MTA3: variants seen among roughly 807,000 people sequenced by gnomAD.
MTA3 encodes the protein metastasis associated 1 family member 3.
MTA3 carries 34 observed loss-of-function variants against 83.5 expected under a neutral mutation model. That is an observed-to-expected ratio of 0.41 (90% CI 0.31 to 0.54). The LOEUF (loss-of-function observed/expected upper bound fraction) is 0.54, where lower values mean the gene tolerates loss of function less well. Among genes scored for constraint, MTA3 ranks in the 20% least tolerant of loss-of-function variants. The pLI is 0.33. For missense variants in MTA3, 761 were observed against 726.4 expected (o/e 1.05, Z -0.55); for synonymous variants, 303 against 252.7 (o/e 1.20, Z -1.89).
At chr2:42,649,447 C>T (rs1296962886) in intron 6 of MTA3, among the ~76,000 whole-genome samples, 9 of 151,574 alleles carry the variant, frequency 5.9e-5, no homozygotes, top group Admixed American at 5.3e-4. Context: ...CAGTCACACT[C>T]TTTGAGTGTT....
intron 2 of MTA3, among the ~76,000 whole-genome samples, chr2:42,526,885 C>T (rs1675731735): frequency 6.6e-6 from 1 of 151,816 alleles, no homozygotes; most frequent in Admixed American, 6.6e-5. Flanking sequence ...GAAACCCCGT[C>T]TCTACTAAAA....
chr2:42,604,786 T>C (rs1215888667), intron 3 of MTA3, among the ~76,000 whole-genome samples: 5 of 148,492 alleles, frequency 3.4e-5, no homozygotes, highest in Non-Finnish European at 7.4e-5. Context: ...GTGATGACTC[T>C]TAACGAGCAT....
chr2:42,565,066 G>A (rs570601203), upstream of MTA3, among the ~76,000 whole-genome samples: 98 of 151,366 alleles, frequency 6.5e-4, no homozygotes, highest in African/African-American at 2.2e-3. Context: ...GTGAGCCACC[G>A]CGCTCAGCCA....
chr2:42,611,571 G>A (rs752157392), intron 4 of MTA3, among the ~76,000 whole-genome samples: 2 of 152,062 alleles, frequency 1.3e-5, no homozygotes, highest in Non-Finnish European at 2.9e-5. Flanking sequence ...TGCAGTCTTT[G>A]GGAGGCCTAG....
At chr2:42,586,513 C>CAA (rs1553350267) in intron 3 of MTA3, among the ~76,000 whole-genome samples, 1 of 131,670 alleles carries the variant, frequency 7.6e-6, no homozygotes, top group African/African-American at 2.8e-5. Flanking sequence ...CACACACACA[C>CAA]AAACACACAA....
At chr2:42,511,344 T>G (rs1347466386) in intron 2 of MTA3, among the ~76,000 whole-genome samples, 1 of 151,248 alleles carries the variant, frequency 6.6e-6, no homozygotes, top group Admixed American at 6.6e-5. Flanking sequence ...TCTCATTACC[T>G]TTCTACGTCA....
chr2:42,672,341 A>AT (rs1348448031), intron 8 of MTA3, among the ~76,000 whole-genome samples: 1 of 139,044 alleles, frequency 7.2e-6, no homozygotes, highest in Non-Finnish European at 1.6e-5. Flanking sequence ...CCTCCTCTCT[A>AT]TTAAAAAAAA....
intron 16 of MTA3, among the ~76,000 whole-genome samples, chr2:42,747,937 C>T (rs1350894344): frequency 6.6e-6 from 1 of 151,988 alleles, no homozygotes; most frequent in Admixed American, 6.6e-5. Flanking sequence ...CATTATAATC[C>T]TCCCACCTGC....
chr2:42,571,119 A>G (rs1678428648), intron 2 of MTA3, among the ~76,000 whole-genome samples: 1 of 152,006 alleles, frequency 6.6e-6, no homozygotes, highest in Non-Finnish European at 1.5e-5. Flanking sequence ...TAGGCTGGGC[A>G]TGGCGGCTCA....
rs1051531476 is a variant in MTA3 at position 42,614,363 on chromosome 2, C to T, written c.317+4779C>T. ...CTACCCGCCTCAGTCTCCCAAAGTG[C>T]TGGGATTACAGGCGTGAGCCACTGC... is the stretch of plus-strand genomic sequence containing the variant. On this transcript the variant is annotated intron_variant, in intron 4 of 16. Transcript: ENST00000405094. 3.3e-5 allele frequency among the ~76,000 whole-genome samples: 5 copies of T among 152,222 alleles called. No individual in the cohort carries two copies. The East Asian group carries it at 9.6e-4, about 29-fold the overall frequency.
intron 2 of MTA3, among the ~76,000 whole-genome samples, chr2:42,556,912 C>A (rs1325409415): frequency 6.6e-6 from 1 of 152,084 alleles, no homozygotes; most frequent in Admixed American, 6.6e-5. Flanking sequence ...GACAAGGGCA[C>A]CCGATTTCCA....
intron 4 of MTA3, among the ~76,000 whole-genome samples, chr2:42,639,797 T>A (rs1687538905): frequency 2.6e-5 from 4 of 152,210 alleles, no homozygotes; most frequent in Admixed American, 2.6e-4. Flanking sequence ...TGTCTGAACA[T>A]CCCTTTTATA....
At chr2:42,520,243 C>T (rs1335910369) in intron 2 of MTA3, among the ~76,000 whole-genome samples, 3 of 152,180 alleles carry the variant, frequency 2.0e-5, no homozygotes, top group Non-Finnish European at 2.9e-5. Flanking sequence ...GTGTTCCAAA[C>T]CCTGCACCTG....
At chr2:42,524,524 C>T (rs1675591560) in intron 2 of MTA3, among the ~76,000 whole-genome samples, 1 of 130,684 alleles carries the variant, frequency 7.7e-6, no homozygotes, top group Admixed American at 8.5e-5. Flanking sequence ...TGGGGTTTCA[C>T]CATGTTAGCC....
intron 3 of MTA3, among the ~76,000 whole-genome samples, chr2:42,595,485 T>G (rs1237561966): frequency 6.6e-6 from 1 of 152,178 alleles, no homozygotes; most frequent in East Asian, 1.9e-4. Flanking sequence ...ATTTTGAGTT[T>G]AACTTTTGCT....
intron 2 of MTA3, 31 bp from the exon 3 acceptor site, chr2:42,579,076 G>A (rs1363030612): frequency 1.4e-6 from 2 of 1,453,126 alleles, no homozygotes; most frequent in East Asian, 4.6e-5. Flanking sequence ...AATATTCAGT[G>A]CAAATGACTT....
rs1207056166 is a variant in MTA3 at position 42,568,688 on chromosome 2, G to A, written c.-58G>A. ...AGCGGCGGTCGCGGCTGAGGCTGAG[G>A]AGGAGGCGGCGGCGGCGGGCGGGGC... On this transcript the variant is annotated 5_prime_UTR_variant, in exon 1 of 17. Transcript: ENST00000405094. 4.2e-6 allele frequency: 5 copies of A among 1,185,068 alleles called. No individual in the cohort carries two copies. The African/African-American group carries it at 4.8e-5, about 11-fold the overall frequency. The allele number at this position is 1,185,068 out of a possible 1,614,324, so 73.4% of individuals were successfully genotyped here. A position where few individuals can be genotyped will look rare whatever the true frequency, so the allele number is the denominator to read the frequency against.
chr2:42,560,450 G>A (rs1428919765), intron 2 of MTA3, among the ~76,000 whole-genome samples: 2 of 151,896 alleles, frequency 1.3e-5, no homozygotes, highest in African/African-American at 4.8e-5. Context: ...AGACCAGCCT[G>A]GCCAACAATG....
rs199914335 is a variant in MTA3, at chr2:42,681,923, T to TA, written c.703-469dup. ...GAAAGAAAAAAAAAAGGTAAATAAA[T>TA]AAAAAAAAATAAAAATAAAGGAGAC... On this transcript the variant is annotated intron_variant, in intron 8 of 16. Transcript: ENST00000405094. Among the ~76,000 whole-genome samples the TA allele has an allele frequency of 6.2e-3, 919 of 148,688 alleles. 5 individuals carry two copies. Among genetic ancestry groups the TA allele is most frequent in the South Asian group, 0.018 (85 of 4,676 alleles).
Sources: gnomAD v4.1 joint callset for allele counts (sites outside exome capture counted in the v4.1 genomes callset) on GRCh38, gnomAD v4.1.1 for gene constraint, MANE v1.5 for transcripts, NCBI Gene and HGNC (gene_info 2026-07-23, HGNC 2026-07-21) for gene names.